Variants in DMD observed in about 807,000 individuals in gnomAD.
The protein encoded by DMD is dystrophin, also known as mutant dystrophin.
A neutral mutation model predicts 330.1 loss-of-function variants in DMD; 63 were observed. The ratio of observed to expected loss-of-function variants is 0.19; its 90% confidence interval spans 0.16 to 0.24. The LOEUF (loss-of-function observed/expected upper bound fraction) is 0.24. Ranked by LOEUF, DMD falls within the 10% of genes least tolerant of loss-of-function variation. The probability of loss-of-function intolerance (pLI) is 1.00; values close to 1 mark genes in which losing one functional copy is unlikely to be tolerated. For missense variants in DMD, 3,344 were observed against 2,684.1 expected (o/e 1.25, Z -5.43); for synonymous variants, 1,223 against 959.8 (o/e 1.27, Z -5.07).
At chrX:32,617,315 A>G (rs1040056710) in intron 11 of DMD, among the ~76,000 whole-genome samples, 1 of 111,791 alleles carries the variant, frequency 8.9e-6, no homozygotes, top group African/African-American at 3.2e-5. Flanking sequence ...AAAGTACGCA[A>G]CTAGAAGAAA....
intron 7 of DMD, among the ~76,000 whole-genome samples, chrX:32,790,397 G>T (rs951699227): frequency 1.8e-5 from 2 of 111,235 alleles, no homozygotes; most frequent in African/African-American, 6.5e-5. Context: ...TTCAACCCGT[G>T]TGGGCCCCCA....
At chrX:32,763,662 G>T (rs2072608574) in intron 7 of DMD, among the ~76,000 whole-genome samples, 1 of 111,742 alleles carries the variant, frequency 8.9e-6, no homozygotes, top group African/African-American at 3.2e-5. Context: ...CACAGTAATG[G>T]TCTACCAACC....
intron 60 of DMD, among the ~76,000 whole-genome samples, chrX:31,408,651 G>A (rs2061505596): frequency 9.5e-6 from 1 of 104,913 alleles, no homozygotes; most frequent in East Asian, 3.0e-4. Context: ...CGCCTGCCTC[G>A]GCCTCCCAAA....
At position 32,467,113 on chromosome X, in the gene DMD, A is replaced by G. The variant is rs1446220809; in HGVS notation, c.3162+1385T>C. The stretch of plus-strand genomic sequence containing the variant: ...GTATGCATGTACACATATGTTTATA[A>G]GTAAAGAAATGCTATGCATTAAAAA... On this transcript the variant is annotated intron_variant, in intron 23 of 78. Transcript: ENST00000357033. Among the ~76,000 whole-genome samples, 3 of 112,348 alleles carry G rather than the reference A, an allele frequency of 2.7e-5. No individual in the cohort carries two copies. In the Admixed American group the frequency reaches 2.8e-4, roughly 11 times the overall value.
At chrX:32,218,724 A>G (rs1206869686) in intron 43 of DMD, among the ~76,000 whole-genome samples, 1 of 111,744 alleles carries the variant, frequency 8.9e-6, no homozygotes, top group Non-Finnish European at 1.9e-5. Flanking sequence ...CAGCATAACA[A>G]TTATTATTCC....
At chrX:31,918,469 T>C (rs1422799273) in intron 47 of DMD, among the ~76,000 whole-genome samples, 2 of 111,042 alleles carry the variant, frequency 1.8e-5, no homozygotes, top group Non-Finnish European at 3.8e-5. Flanking sequence ...ATTAGAATAT[T>C]TGAGGCCACG....
intron 4 of DMD, among the ~76,000 whole-genome samples, chrX:32,841,921 T>C (rs755519447): frequency 8.9e-6 from 1 of 112,145 alleles, no homozygotes; most frequent in Non-Finnish European, 1.9e-5. Flanking sequence ...AAAATACATT[T>C]GCAACTCAAA....
chrX:32,158,815 C>T (rs1445760147), intron 44 of DMD, among the ~76,000 whole-genome samples: 1 of 112,004 alleles, frequency 8.9e-6, no homozygotes, highest in Non-Finnish European at 1.9e-5. Context: ...CTACCTACCC[C>T]TTATGCTCAC....
At chrX:31,451,568 C>T (rs1414634736) in intron 59 of DMD, among the ~76,000 whole-genome samples, 2 of 110,588 alleles carry the variant, frequency 1.8e-5, no homozygotes, top group Admixed American at 9.7e-5. Flanking sequence ...AGGCCTGAGC[C>T]ACCGTGCCGG....
chrX:32,415,511 C>T (rs2098162920), intron 29 of DMD, among the ~76,000 whole-genome samples: 1 of 112,457 alleles, frequency 8.9e-6, no homozygotes. Context: ...GATGGAATGT[C>T]AGGCTTATGA....
intron 44 of DMD, among the ~76,000 whole-genome samples, chrX:32,045,043 A>G (rs2096053198): frequency 9.1e-6 from 1 of 109,555 alleles, no homozygotes; most frequent in African/African-American, 3.3e-5. Context: ...ATGGTTTTGT[A>G]TTGTCCTCAG....
intron 16 of DMD, among the ~76,000 whole-genome samples, chrX:32,564,284 A>T (rs988499269): frequency 1.2e-4 from 13 of 111,837 alleles, no homozygotes; most frequent in African/African-American, 3.6e-4. Context: ...ATGTCCCTTA[A>T]AAGGGATGCA....
chrX:31,832,177 T>C (rs1463123049), intron 49 of DMD, among the ~76,000 whole-genome samples: 1 of 112,209 alleles, frequency 8.9e-6, no homozygotes, highest in Non-Finnish European at 1.9e-5. Flanking sequence ...ATTTATGAAA[T>C]CCAAGTATTG....
intron 55 of DMD, among the ~76,000 whole-genome samples, chrX:31,550,955 C>T (rs1288401849): frequency 9.0e-6 from 1 of 111,579 alleles, no homozygotes; most frequent in South Asian, 3.7e-4. Context: ...CCAAGGCGGG[C>T]GGATCACTTG....
intron 62 of DMD, among the ~76,000 whole-genome samples, chrX:31,287,028 G>A (rs768792321): frequency 1.8e-5 from 2 of 112,477 alleles, no homozygotes; most frequent in East Asian, 2.8e-4. Context: ...GCCTCCCAAA[G>A]CCTGTTGGGA....
intron 1 of DMD, among the ~76,000 whole-genome samples, chrX:33,193,589 T>A (rs995046905): frequency 1.2e-4 from 14 of 112,405 alleles, no homozygotes; most frequent in African/African-American, 4.5e-4. Flanking sequence ...TTTGTTTAAG[T>A]ACCCAAGATT....
chrX:32,649,687 C>A (rs1204907488), intron 9 of DMD, among the ~76,000 whole-genome samples: 1 of 108,505 alleles, frequency 9.2e-6, no homozygotes, highest in African/African-American at 3.4e-5. Flanking sequence ...TTTCTGGAGA[C>A]AATTTCTAGT....
intron 44 of DMD, among the ~76,000 whole-genome samples, chrX:32,145,579 A>G (rs1361720076): frequency 8.9e-6 from 1 of 112,353 alleles, no homozygotes; most frequent in Non-Finnish European, 1.9e-5. Context: ...CTCAAATACT[A>G]TATTTCCTTG....
intron 2 of DMD, among the ~76,000 whole-genome samples, chrX:32,987,593 A>G (rs1033783193): frequency 9.0e-6 from 1 of 111,248 alleles, no homozygotes; most frequent in African/African-American, 3.3e-5. Context: ...TGCCTCTGTC[A>G]TTAAACTGCC....
Sources: allele counts gnomAD v4.1 joint callset (sites outside exome capture counted in the v4.1 genomes callset), GRCh38; gene constraint gnomAD v4.1.1; transcripts MANE v1.5; gene names NCBI Gene and HGNC (gene_info 2026-07-23, HGNC 2026-07-21).